COLQ: variants seen among roughly 807,000 people sequenced by gnomAD.
The protein encoded by COLQ is acetylcholinesterase collagenic tail peptide.
COLQ carries 48 observed loss-of-function variants against 69.0 expected under a neutral mutation model. The ratio of observed to expected loss-of-function variants is 0.70; its 90% confidence interval spans 0.55 to 0.88. The LOEUF (loss-of-function observed/expected upper bound fraction) is 0.88, where lower values mean the gene tolerates loss of function less well. COLQ is among the 40% of genes least tolerant of loss of function. The pLI is 0.00. For missense variants in COLQ, 618 were observed against 594.6 expected, an observed-to-expected ratio of 1.04 and a Z score of -0.41; for synonymous variants, 217 against 211.2, an observed-to-expected ratio of 1.03 and a Z score of -0.24.
chr3:15,470,916 A>G (rs2062276789), intron 10 of COLQ, among the ~76,000 whole-genome samples: 4 of 152,248 alleles, frequency 2.6e-5, no homozygotes, highest in Admixed American at 2.0e-4. Context: ...ATCATCACCC[A>G]GAACAGGCAG....
chr3:15,453,415 C>T (rs1001150220), intron 16 of COLQ, among the ~76,000 whole-genome samples: 1 of 152,298 alleles, frequency 6.6e-6, no homozygotes, highest in Middle Eastern at 3.4e-3. Flanking sequence ...CCAGGGAAGT[C>T]AGGTTAGGTA....
At position 15,467,521 on chromosome 3, in the gene COLQ, A is replaced by G. The variant is rs2345106; in HGVS notation, c.718-1084T>C. Reference sequence around the variant, plus strand: ...GCACATCTGTGGCTACAGCCGTTCCACATGGAGTGTCCTCTTTTCTGCCTA... The same window carrying G: ...GCACATCTGTGGCTACAGCCGTTCCGCATGGAGTGTCCTCTTTTCTGCCTA... On this transcript the variant is annotated intron_variant, in intron 11 of 16. Transcript: ENST00000383788. 0.5 allele frequency among the ~76,000 whole-genome samples: 75,417 copies of G among 151,658 alleles called. 19,325 individuals are homozygous for G. The highest frequency in any genetic ancestry group is 0.62 in the East Asian group (3,183 of 5,136).
chr3:15,492,030 C>T (rs2062675413), intron 1 of COLQ, among the ~76,000 whole-genome samples: 1 of 151,206 alleles, frequency 6.6e-6, no homozygotes. Context: ...TGCACTCCAA[C>T]CTGGCAACAG....
chr3:15,505,235 G>A (rs1575493595), intron 1 of COLQ, among the ~76,000 whole-genome samples: 1 of 152,110 alleles, frequency 6.6e-6, no homozygotes, highest in Non-Finnish European at 1.5e-5. Context: ...CCTTGAGCAG[G>A]TCATTGAATC....
intron 13 of COLQ, among the ~76,000 whole-genome samples, chr3:15,457,951 T>G (rs114513293): frequency 6.6e-6 from 1 of 152,102 alleles, no homozygotes; most frequent in Admixed American, 6.6e-5. Context: ...ATCTCAACCA[T>G]ATAAAAGTTA....
At position 15,453,922 on chromosome 3, in the gene COLQ, C is replaced by A; in HGVS notation, c.1205G>T (p.Arg402Leu). ...CCGGTGACCATCTCCACAGTAGGCACGGTGACAGCCTGAGGGGACATAAGG... is the reference window on the plus strand; with the variant it reads ...CCGGTGACCATCTCCACAGTAGGCAAGGTGACAGCCTGAGGGGACATAAGG... ...DVGDDCIRCHRAYCGDGHRHE... is the reference protein window; with the variant it reads ...DVGDDCIRCHLAYCGDGHRHE... Residue 402 changes from arginine to leucine, a missense_variant, in exon 16 of 17, where the codon CGT becomes CTT. Physicochemically the swap from Arg to Leu is moderately radical, Grantham distance 102 (BLOSUM62 -2). Transcript: ENST00000383788. 3 of 1,607,012 alleles carry A rather than the reference C, an allele frequency of 1.9e-6. No individual in the cohort carries two copies. The South Asian group carries it at 3.3e-5, about 18-fold the overall frequency.
intron 7 of COLQ, 100 bp from the exon 8 acceptor site, chr3:15,475,051 C>T (rs1410186742): frequency 4.1e-5 from 53 of 1,279,112 alleles, no homozygotes; most frequent in Non-Finnish European, 5.8e-5. Flanking sequence ...TAAGGTATGT[C>T]TCCACATTGC....
At chr3:15,504,894 A>G (rs2062885456) in intron 1 of COLQ, among the ~76,000 whole-genome samples, 1 of 152,172 alleles carries the variant, frequency 6.6e-6, no homozygotes, top group African/African-American at 2.4e-5. Context: ...CAAAAGAAAT[A>G]CAGTCACATT....
intron 13 of COLQ, among the ~76,000 whole-genome samples, chr3:15,457,443 A>G (rs1368942175): frequency 6.6e-6 from 1 of 152,132 alleles, no homozygotes; most frequent in African/African-American, 2.4e-5. Flanking sequence ...AGAGAAAACA[A>G]GGACACAGGC....
At chr3:15,510,195 G>A (rs938659082) in intron 1 of COLQ, among the ~76,000 whole-genome samples, 1 of 151,944 alleles carries the variant, frequency 6.6e-6, no homozygotes, top group South Asian at 2.1e-4. Flanking sequence ...AAAGCAGATG[G>A]GATGATAGTG....
At chr3:15,461,091 C>T (rs80109503) in intron 12 of COLQ, among the ~76,000 whole-genome samples, 2,947 of 152,250 alleles carry the variant, frequency 0.019, 88 homozygotes, top group African/African-American at 0.065. Context: ...CCAGGTACCA[C>T]GTTGATTCAC....
At chr3:15,490,769 A>G (rs1389898370) in intron 1 of COLQ, among the ~76,000 whole-genome samples, 2 of 152,284 alleles carry the variant, frequency 1.3e-5, no homozygotes, top group Non-Finnish European at 2.9e-5. Flanking sequence ...ACTATCACAC[A>G]TTAGCTGGCC....
intron 11 of COLQ, 62 bp downstream of exon 11, chr3:15,470,474 C>T (rs2062262556): frequency 4.1e-6 from 6 of 1,473,860 alleles, no homozygotes; most frequent in Non-Finnish European, 5.7e-6. Flanking sequence ...GCCTGCCACT[C>T]CACACACTGC....
At chr3:15,485,205 A>G (rs1347808139) in intron 3 of COLQ, among the ~76,000 whole-genome samples, 2 of 152,232 alleles carry the variant, frequency 1.3e-5, no homozygotes, top group Non-Finnish European at 2.9e-5. Flanking sequence ...TGGAGGCTGC[A>G]GAACAGCAAA....
rs2125114984 is a variant in COLQ at position 15,474,210 on chromosome 3, A to G, written c.600+18T>C. The G allele has an allele frequency of 6.2e-7, 1 of 1,613,934 alleles. No individual in the cohort carries two copies. On this transcript the variant is annotated intron_variant, in intron 9 of 16. Transcript: ENST00000383788. ...GCACTGACATTTATCATTTCTATGG[A>G]AAGGTTTTCTCCATTACCTTTTCTC...
chr3:15,468,321 G>GTTTTTTT (rs540716062), intron 11 of COLQ, among the ~76,000 whole-genome samples: 5 of 71,316 alleles, frequency 7.0e-5, no homozygotes, highest in African/African-American at 1.6e-4. Context: ...AGTTACTGAA[G>GTTTTTTT]TTTTTTTTTT....
chr3:15,506,153 T>C (rs2062908238), intron 1 of COLQ, among the ~76,000 whole-genome samples: 1 of 152,222 alleles, frequency 6.6e-6, no homozygotes, highest in Admixed American at 6.5e-5. Flanking sequence ...ACTTATCAAC[T>C]GAGCAAGTTG....
At chr3:15,478,132 C>G (rs1171355633) in intron 5 of COLQ, among the ~76,000 whole-genome samples, 1 of 152,154 alleles carries the variant, frequency 6.6e-6, no homozygotes, top group African/African-American at 2.4e-5. Flanking sequence ...CAATCATGGT[C>G]CTTGTTAGGC....
At chr3:15,453,700 C>T (rs1559510845) in intron 16 of COLQ, 129 bp downstream of exon 16, 2 of 708,338 alleles carry the variant, frequency 2.8e-6, no homozygotes, top group African/African-American at 1.7e-5. Flanking sequence ...TCATTCATCA[C>T]CATACCTCAG....
Sources: allele counts gnomAD v4.1 joint callset (sites outside exome capture counted in the v4.1 genomes callset), GRCh38; gene constraint gnomAD v4.1.1; transcripts MANE v1.5; gene names NCBI Gene and HGNC (gene_info 2026-07-23, HGNC 2026-07-21).